Variants in SLC2A14 observed in about 807,000 individuals in gnomAD.
SLC2A14 encodes the protein solute carrier family 2 member 14.
SLC2A14 carries 13 observed loss-of-function variants against 43.0 expected under a neutral mutation model. The ratio of observed to expected loss-of-function variants is 0.30; its 90% CI spans 0.20 to 0.48. SLC2A14 has a LOEUF of 0.48. Ranked by LOEUF, SLC2A14 falls within the 20% of genes least tolerant of loss-of-function variation. SLC2A14 has a pLI of 0.99. For missense variants in SLC2A14, 428 were observed against 620.4 expected (o/e 0.69, Z 3.29); for synonymous variants, 190 against 233.8 (o/e 0.81, Z 1.71).
chr12:7,838,445 G>T (rs974509278), intron 2 of SLC2A14, among the ~76,000 whole-genome samples: 4 of 152,078 alleles, frequency 2.6e-5, no homozygotes, highest in African/African-American at 7.3e-5. Context: ...GGAAGACCAG[G>T]TACCCCTTTC....
chr12:7,851,039 C>A (rs891791074), intron 2 of SLC2A14, among the ~76,000 whole-genome samples: 3 of 152,260 alleles, frequency 2.0e-5, no homozygotes, highest in Admixed American at 2.0e-4. Flanking sequence ...GAGAGAAACA[C>A]CCTTGGTACA....
chr12:7,867,135 C>T (rs1302602940), intron 2 of SLC2A14, among the ~76,000 whole-genome samples: 1 of 151,910 alleles, frequency 6.6e-6, no homozygotes, highest in East Asian at 1.9e-4. Flanking sequence ...AAAAATTAGC[C>T]GGGCGTGGTG....
chr12:7,875,332 A>G (rs1171204362), upstream of SLC2A14, among the ~76,000 whole-genome samples: 1 of 148,488 alleles, frequency 6.7e-6, no homozygotes, highest in African/African-American at 2.5e-5. Flanking sequence ...ACATGGCAAA[A>G]CCCCATCTCT....
At chr12:7,870,787 AG>A in intron 1 of SLC2A14, 1 of 925,708 alleles carries the variant, frequency 1.1e-6, no homozygotes. Flanking sequence ...TTTCAAAAAA[AG>A]TAAAGTAGTA....
chr12:7,836,224 T>TG (rs1157549381), intron 2 of SLC2A14, among the ~76,000 whole-genome samples: 1 of 90 alleles, frequency 0.011, no homozygotes, highest in African/African-American at 0.028. Flanking sequence ...CAGATATAAC[T>TG]TTTTTTTTTT....
chr12:7,828,623 C>T (rs1864709928), intron 6 of SLC2A14, 81 bp downstream of exon 6: 1 of 1,428,336 alleles, frequency 7.0e-7, no homozygotes, highest in East Asian at 2.3e-5. Flanking sequence ...AAGGGTACGA[C>T]AGAAAATAGA....
chr12:7,817,218 C>T (rs1565491831), intron 10 of SLC2A14, among the ~76,000 whole-genome samples: 1 of 151,846 alleles, frequency 6.6e-6, no homozygotes, highest in Admixed American at 6.6e-5. Flanking sequence ...TGGGCTCAAG[C>T]GATTCTCCTG....
chr12:7,826,944 T>TC (rs1864490204), intron 7 of SLC2A14, among the ~76,000 whole-genome samples: 1 of 143,862 alleles, frequency 7.0e-6, no homozygotes, highest in Non-Finnish European at 1.5e-5. Flanking sequence ...TCCTTTCCTT[T>TC]CTTTCCTTTC....
intron 2 of SLC2A14, among the ~76,000 whole-genome samples, chr12:7,857,617 C>T (rs1592268090): frequency 6.6e-6 from 1 of 151,934 alleles, no homozygotes; most frequent in Non-Finnish European, 1.5e-5. Flanking sequence ...CACATATATT[C>T]CTTTCTAAAA....
chr12:7,828,881 A>G lies in SLC2A14; in HGVS notation c.514-15T>C. 4 of 1,612,092 alleles carry G rather than the reference A, an allele frequency of 2.5e-6. No individual in the cohort carries two copies. Among genetic ancestry groups the G allele is most frequent in the Non-Finnish European group, 3.4e-6 (4 of 1,178,986 alleles). ...AGACCAAAGATCTAGAAACCACACAAAGATAATGCTATAAACCCCATACTT... is the reference window on the plus strand; with the variant it reads ...AGACCAAAGATCTAGAAACCACACAGAGATAATGCTATAAACCCCATACTT... On this transcript the variant is annotated splice_polypyrimidine_tract_variant and intron_variant, in intron 5 of 10. Transcript: ENST00000431042.
intron 1 of SLC2A14, among the ~76,000 whole-genome samples, chr12:7,870,558 A>G (rs1490618613): frequency 6.6e-6 from 1 of 152,044 alleles, no homozygotes; most frequent in East Asian, 1.9e-4. Flanking sequence ...TCCTGAGTCT[A>G]TTAGGAGGAG....
chr12:7,881,737 C>G (rs1325629290), intron 1 of SLC2A14, among the ~76,000 whole-genome samples: 4 of 152,296 alleles, frequency 2.6e-5, no homozygotes, highest in Admixed American at 2.6e-4. Context: ...CAGCTGGGCT[C>G]CTGAGTCTAG....
upstream of SLC2A14, among the ~76,000 whole-genome samples, chr12:7,874,978 T>C (rs368611694): frequency 1.8e-3 from 41 of 22,258 alleles, 2 homozygotes; most frequent in Middle Eastern, 0.036. Flanking sequence ...TATATAAATA[T>C]ATTTATATAT....
intron 2 of SLC2A14, among the ~76,000 whole-genome samples, chr12:7,861,684 CA>C (rs1944568765): frequency 1.3e-5 from 2 of 152,026 alleles, no homozygotes. Context: ...AAAAACAGGC[CA>C]TGCGCGGAGG....
intron 2 of SLC2A14, among the ~76,000 whole-genome samples, chr12:7,853,014 A>G (rs983183916): frequency 6.6e-6 from 1 of 152,190 alleles, no homozygotes; most frequent in African/African-American, 2.4e-5. Flanking sequence ...TATCCCAAAC[A>G]TACAAAGCAA....
intron 1 of SLC2A14, among the ~76,000 whole-genome samples, chr12:7,878,870 A>G (rs1250523881): frequency 6.9e-6 from 1 of 145,624 alleles, no homozygotes; most frequent in Non-Finnish European, 1.5e-5. Flanking sequence ...CCAGCTACTC[A>G]GGAGGCTGAG....
chr12:7,858,570 G>C (rs1944377928), intron 2 of SLC2A14, among the ~76,000 whole-genome samples: 1 of 152,088 alleles, frequency 6.6e-6, no homozygotes, highest in Non-Finnish European at 1.5e-5. Flanking sequence ...CATGACCTCA[G>C]CTCACCACAA....
rs1467091383 is a variant in SLC2A14, at chr12:7,816,136, C to T, written c.1276-1602G>A. 9.7e-5 allele frequency among the ~76,000 whole-genome samples: 5 copies of T among 51,288 alleles called. 2 individuals are homozygous for T. The highest frequency in any genetic ancestry group is 1.5e-4 in the Non-Finnish European group (4 of 26,270). The allele number at this position is 51,288 out of a possible 152,430, so 33.6% of individuals were successfully genotyped here. A position where few individuals can be genotyped will look rare whatever the true frequency, so the allele number is the denominator to read the frequency against. On this transcript the variant is annotated intron_variant, in intron 10 of 10. Transcript: ENST00000431042. ...TTTTTGAGACGGAGTCTCGCTCTGT[C>T]GCCCAGGCCGGACTGCGGACTGCAG...
At chr12:7,828,634 T>A (rs953791018) in intron 6 of SLC2A14, 70 bp downstream of exon 6, 1 of 1,499,776 alleles carries the variant, frequency 6.7e-7, no homozygotes, top group South Asian at 1.2e-5. Flanking sequence ...AGAAAATAGA[T>A]CCAGTACCCT....
Sources: gnomAD v4.1 joint callset for allele counts (sites outside exome capture counted in the v4.1 genomes callset) on GRCh38, gnomAD v4.1.1 for gene constraint, MANE v1.5 for transcripts, NCBI Gene and HGNC (gene_info 2026-07-23, HGNC 2026-07-21) for gene names.